AGPAT4: variants seen among roughly 807,000 people sequenced by gnomAD.
The protein encoded by AGPAT4 is 1-acyl-sn-glycerol-3-phosphate acyltransferase delta.
AGPAT4 carries 15 observed loss-of-function variants against 48.0 expected under a neutral mutation model. That is an observed-to-expected ratio of 0.31 (90% CI 0.21 to 0.48). AGPAT4 has a LOEUF of 0.48. AGPAT4 is among the 20% of genes least tolerant of loss of function. The probability of loss-of-function intolerance (pLI) is 0.99; values close to 1 mark genes in which losing one functional copy is unlikely to be tolerated. For synonymous variants in AGPAT4, 178 were observed against 198.7 expected (o/e 0.90, Z 0.88); for missense variants, 314 against 482.5 (o/e 0.65, Z 3.27).
intron 1 of AGPAT4, among the ~76,000 whole-genome samples, chr6:161,248,110 C>A (rs1279316106): frequency 6.6e-6 from 1 of 151,552 alleles, no homozygotes; most frequent in Admixed American, 6.6e-5. Flanking sequence ...GATCCTACAG[C>A]TAGAAAACCC....
intron 1 of AGPAT4, among the ~76,000 whole-genome samples, chr6:161,250,290 G>A (rs1444843364): frequency 6.6e-6 from 1 of 152,140 alleles, no homozygotes; most frequent in African/African-American, 2.4e-5. Context: ...GAAGCCCCAT[G>A]ACACAAGTTT....
chr6:161,257,078 TG>T (rs1303605897), intron 1 of AGPAT4, among the ~76,000 whole-genome samples: 1 of 152,144 alleles, frequency 6.6e-6, no homozygotes, highest in Non-Finnish European at 1.5e-5. Flanking sequence ...ATGTTGGAGA[TG>T]GGGGGAAAGT....
In AGPAT4 at chr6:161,226,770, C is replaced by A. The variant is rs1265100414; in HGVS notation, c.178+5266G>T. 6.6e-6 allele frequency among the ~76,000 whole-genome samples: 1 copy of A among 152,176 alleles called. No homozygotes were observed. Among genetic ancestry groups the A allele is most frequent in the Non-Finnish European group, 1.5e-5 (1 of 68,028 alleles). ...ATAGAGGAGGCTCCTGAGAGGCCAC[C>A]TTGCCTTCCCTGTGCTGCCGGGCAG... On this transcript the variant is annotated intron_variant, in intron 2 of 8. Transcript: ENST00000320285. The surrounding 1 kb of genome is among the most constrained non-coding windows in gnomAD (Gnocchi z 6.3).
In AGPAT4 at chr6:161,227,814, T is replaced by G. The variant is rs145649627; in HGVS notation, c.178+4222A>C. Among the ~76,000 whole-genome samples the G allele has an allele frequency of 6.3e-3, 957 of 152,282 alleles. 7 individuals carry two copies. Among genetic ancestry groups the G allele is most frequent in the African/African-American group, 0.022 (917 of 41,554 alleles). ...TTGTAAGAGGCAATATAGAGCTCAC[T>G]CTCCTTTTTTGAGCGTTACACAAAT... On this transcript the variant is annotated intron_variant, in intron 2 of 8. Transcript: ENST00000320285.
chr6:161,130,407 G>A lies in AGPAT4; in HGVS notation c.*6133C>T, dbSNP rs2293289. 0.09 allele frequency: 13,958 copies of A among 155,434 alleles called. 997 individuals carry two copies. Among genetic ancestry groups the A allele is most frequent in the Admixed American group, 0.25 (3,948 of 15,934 alleles). 9.6% of individuals were successfully genotyped at this position (155,434 alleles called of 1,614,324 possible). A position where few individuals can be genotyped will look rare whatever the true frequency, so the allele number is the denominator to read the frequency against. ...ATTGAATGGTCTGTTCCTGAATGTCGCCACAAAGCAGTCTGTAAAACCCAC... is the reference window on the plus strand; with the variant it reads ...ATTGAATGGTCTGTTCCTGAATGTCACCACAAAGCAGTCTGTAAAACCCAC... On this transcript the variant is annotated 3_prime_UTR_variant, in exon 9 of 9. Coordinates refer to ENST00000320285, the MANE Select transcript of AGPAT4 (RefSeq NM_020133.3).
At chr6:161,187,134 T>C (rs1434474476) in intron 2 of AGPAT4, among the ~76,000 whole-genome samples, 1 of 152,248 alleles carries the variant, frequency 6.6e-6, no homozygotes, top group Non-Finnish European at 1.5e-5. Flanking sequence ...GCTGTGAACA[T>C]CTAAGAAGAG....
Position 161,144,763 on chromosome 6 carries a change from G to A in AGPAT4, c.843+1761C>T, listed in dbSNP as rs1779364051. 6.6e-6 allele frequency among the ~76,000 whole-genome samples: 1 copy of A among 152,148 alleles called. No individual in the cohort carries two copies. The highest frequency in any genetic ancestry group is 1.5e-5 in the Non-Finnish European group (1 of 68,026). ...GGAGGCCGAGGAGGGCAGATCACAA[G>A]ACCTTGTGAGATCGAGACCATCCTG... On this transcript the variant is annotated intron_variant, in intron 7 of 8. Transcript: ENST00000320285. The surrounding 1 kb of genome is among the most constrained non-coding windows in gnomAD (Gnocchi z 6.6).
rs1302525034 is a variant in AGPAT4 at position 161,254,307 on chromosome 6, A to C, written c.-90+19631T>G. On this transcript the variant is annotated intron_variant, in intron 1 of 8. Coordinates refer to ENST00000320285, the MANE Select transcript of AGPAT4 (RefSeq NM_020133.3). The surrounding 1 kb of genome is among the most constrained non-coding windows in gnomAD (Gnocchi z 5.9). The stretch of plus-strand genomic sequence containing the variant: ...AAAATAGAGGCTCAGGGAAGTCATG[A>C]CTTATTTTCTTTGGTCACTAACCTG... 6.6e-6 allele frequency among the ~76,000 whole-genome samples: 1 copy of C among 152,150 alleles called. No individual in the cohort carries two copies. The highest frequency in any genetic ancestry group is 1.5e-5 in the Non-Finnish European group (1 of 68,028).
At position 161,139,595 on chromosome 6, in the gene AGPAT4, C is replaced by G. The variant is rs1403837283; in HGVS notation, c.869G>C (p.Arg290Thr). ...EKDAFQEEYY[R>T]TGTFPETPMV... is the part of the protein sequence containing the mutation. ...GGGCGTCTCTGGGAAGGTGCCCGTC[C>G]TGTAGTACTCCTCCTGAAAGGCATC... The change falls in exon 8 of 9, where the codon AGG becomes ACG. Residue 290 changes from arginine (R) to threonine (T), a missense_variant. Arg to Thr is a moderately conservative substitution (Grantham distance 71, BLOSUM62 -1). Transcript: ENST00000320285. The surrounding 1 kb of genome is among the most constrained non-coding windows in gnomAD (Gnocchi z 9.1). 1 of 1,608,912 alleles carries G rather than the reference C, an allele frequency of 6.2e-7. No homozygotes were observed.
At position 161,137,308 on chromosome 6, in the gene AGPAT4, T is replaced by C. The variant is rs1779097765; in HGVS notation, c.1043-674A>G. Among the ~76,000 whole-genome samples the C allele has an allele frequency of 6.6e-6, 1 of 152,244 alleles. No homozygotes were observed. Among genetic ancestry groups the C allele is most frequent in the South Asian group, 2.1e-4 (1 of 4,834 alleles). On this transcript the variant is annotated intron_variant, in intron 8 of 8. Coordinates refer to ENST00000320285, the MANE Select transcript of AGPAT4 (RefSeq NM_020133.3). This position sits in a 1 kb window ranked among gnomAD's most constrained non-coding sequence, Gnocchi z 6.1. ...GTGCAGGGCCCAAGACTTAATCATT[T>C]GATGTGCTCAGCACTGGGCATGGGG... is the stretch of plus-strand genomic sequence containing the variant.
rs1429297160 is a variant in AGPAT4 at position 161,148,951 on chromosome 6, C to G, written c.767+236G>C. The stretch of plus-strand genomic sequence containing the variant: ...TATAAAATACAGCCTTCCATTTGTT[C>G]AACCTAAGCTCTTTGATACGAAAAA... On this transcript the variant is annotated intron_variant, in intron 6 of 8. Coordinates refer to ENST00000320285, the MANE Select transcript of AGPAT4 (RefSeq NM_020133.3). The surrounding 1 kb of genome is among the most constrained non-coding windows in gnomAD (Gnocchi z 5.5). 6.6e-6 allele frequency among the ~76,000 whole-genome samples: 1 copy of G among 152,220 alleles called. No homozygotes were observed. Among genetic ancestry groups the G allele is most frequent in the Non-Finnish European group, 1.5e-5 (1 of 68,030 alleles).
At position 161,149,332 on chromosome 6, in the gene AGPAT4, A is replaced by G; in HGVS notation, c.665-43T>C. On this transcript the variant is annotated intron_variant, in intron 5 of 8. Transcript: ENST00000320285. This position sits in a 1 kb window ranked among gnomAD's most constrained non-coding sequence, Gnocchi z 6.5. ...AATACAAAGCAGTATATAGCGTGTG[A>G]ACCCAATTTTGTTCTGTAGATACAC... 6.4e-7 allele frequency: 1 copy of G among 1,553,118 alleles called. No homozygotes were observed. Among genetic ancestry groups the G allele is most frequent in the South Asian group, 1.2e-5 (1 of 83,058 alleles).
At chr6:161,273,022 A>C (rs1236113267) in intron 1 of AGPAT4, among the ~76,000 whole-genome samples, 1 of 152,246 alleles carries the variant, frequency 6.6e-6, no homozygotes, top group Admixed American at 6.5e-5. Context: ...CTTTTAGGCA[A>C]ACCTGGGCAG....
chr6:161,145,612 CTAAAA>C (rs1779396263), intron 7 of AGPAT4, among the ~76,000 whole-genome samples: 1 of 151,584 alleles, frequency 6.6e-6, no homozygotes, highest in African/African-American at 2.4e-5. Context: ...GTCTTGTGGA[CTAAAA>C]TCCTAACACA....
rs984104424 is a variant in AGPAT4 at position 161,244,708 on chromosome 6, G to C, written c.-89-12406C>G. On this transcript the variant is annotated intron_variant, in intron 1 of 8. Coordinates refer to ENST00000320285, the MANE Select transcript of AGPAT4 (RefSeq NM_020133.3). The surrounding 1 kb of genome is among the most constrained non-coding windows in gnomAD (Gnocchi z 4.7). ...TCTCCGATCCAGTAAAGCCGACAAG[G>C]GTGCACACATCTCTCCCTTTGGTCT... Among the ~76,000 whole-genome samples the C allele has an allele frequency of 7.2e-5, 11 of 152,126 alleles. No individual in the cohort carries two copies. The highest frequency in any genetic ancestry group is 2.2e-4 in the African/African-American group (9 of 41,416).
rs1474397652 is a variant in AGPAT4, at chr6:161,149,724, T to C, written c.665-435A>G. Among the ~76,000 whole-genome samples the C allele has an allele frequency of 1.3e-5, 2 of 152,064 alleles. No individual in the cohort carries two copies. Among genetic ancestry groups the C allele is most frequent in the African/African-American group, 4.8e-5 (2 of 41,392 alleles). ...GCCCAGCTAATTTTTGTATTTTTAG[T>C]AGAGTCAGGGATTCACCATGTTGGT... On this transcript the variant is annotated intron_variant, in intron 5 of 8. Transcript: ENST00000320285. This position sits in a 1 kb window ranked among gnomAD's most constrained non-coding sequence, Gnocchi z 6.5.
At position 161,208,978 on chromosome 6, in the gene AGPAT4, G is replaced by A. The variant is rs1781452671; in HGVS notation, c.178+23058C>T. 6.6e-6 allele frequency among the ~76,000 whole-genome samples: 1 copy of A among 152,190 alleles called. No homozygotes were observed. The highest frequency in any genetic ancestry group is 1.5e-5 in the Non-Finnish European group (1 of 68,042). On this transcript the variant is annotated intron_variant, in intron 2 of 8. Coordinates refer to ENST00000320285, the MANE Select transcript of AGPAT4 (RefSeq NM_020133.3). This position sits in a 1 kb window ranked among gnomAD's most constrained non-coding sequence, Gnocchi z 4.6. The stretch of plus-strand genomic sequence containing the variant: ...CCTAAAACGGCAATCATGACCTTGT[G>A]TTAATTACTGGGGAAGAAAACGCAC...
intron 1 of AGPAT4, among the ~76,000 whole-genome samples, chr6:161,256,924 C>G (rs1231082926): frequency 6.6e-6 from 1 of 152,176 alleles, no homozygotes; most frequent in Non-Finnish European, 1.5e-5. Flanking sequence ...TTCCACTTTC[C>G]CAAAAGTCAG....
In AGPAT4 at chr6:161,261,883, G is replaced by C. The variant is rs1213652019; in HGVS notation, c.-90+12055C>G. ...AACAGGCATTGACCTTCACACCTGGGTAGGGGCTCCTGGGCCAGAGACCCA... is the reference window on the plus strand; with the variant it reads ...AACAGGCATTGACCTTCACACCTGGCTAGGGGCTCCTGGGCCAGAGACCCA... On this transcript the variant is annotated intron_variant, in intron 1 of 8. Transcript: ENST00000320285. The surrounding 1 kb of genome is among the most constrained non-coding windows in gnomAD (Gnocchi z 5.3). Among the ~76,000 whole-genome samples, 1 of 152,164 alleles carries C rather than the reference G, an allele frequency of 6.6e-6. No homozygotes were observed. The highest frequency in any genetic ancestry group is 2.4e-5 in the African/African-American group (1 of 41,418).
Sources: gnomAD v4.1 joint callset for allele counts (sites outside exome capture counted in the v4.1 genomes callset) on GRCh38, gnomAD v4.1.1 for gene constraint, Gnocchi (gnomAD v3.1) non-coding constraint, MANE v1.5 for transcripts, NCBI Gene and HGNC (gene_info 2026-07-23, HGNC 2026-07-21) for gene names.